SLC28A1: variants seen among roughly 807,000 people sequenced by gnomAD.
SLC28A1 encodes the protein sodium/nucleoside cotransporter 1.
SLC28A1 carries 64 observed loss-of-function variants against 74.8 expected under a neutral mutation model. The ratio of observed to expected loss-of-function variants is 0.86; its 90% CI spans 0.70 to 1.05. SLC28A1 has a LOEUF of 1.05. SLC28A1 is among the 50% of genes least tolerant of loss of function. The pLI is 0.00. For synonymous variants in SLC28A1, 359 were observed against 335.0 expected, an observed-to-expected ratio of 1.07 and a Z score of -0.78; for missense variants, 828 against 822.8, an observed-to-expected ratio of 1.01 and a Z score of -0.08.
At chr15:84,944,497 C>A in intron 16 of SLC28A1, 69 bp from the exon 17 acceptor site, 1 of 1,060,848 alleles carries the variant, frequency 9.4e-7, no homozygotes, top group Non-Finnish European at 1.5e-6. Context: ...CAGATGCAGC[C>A]CGAGCTGCGG....
intron 6 of SLC28A1, chr15:84,895,608 C>A (rs73438002): frequency 4.0e-6 from 6 of 1,487,168 alleles, no homozygotes; most frequent in Non-Finnish European, 5.4e-6. Flanking sequence ...TTCCTTGGAG[C>A]GCTGGAAATC....
the SLC28A1 span, among the ~76,000 whole-genome samples, chr15:84,960,408 C>G: frequency 3.3e-5 from 5 of 151,992 alleles, no homozygotes; most frequent in African/African-American, 9.7e-5. Context: ...TGGGCATGTG[C>G]CACCATGCCC....
At chr15:84,887,239 A>G (rs1964699761) in intron 2 of SLC28A1, 1 of 365,562 alleles carries the variant, frequency 2.7e-6, no homozygotes, top group Non-Finnish European at 3.8e-6. Context: ...GGAGTGATGA[A>G]AGCTAGGTCC....
Position 84,890,518 on chromosome 15 carries a change from AG to A in SLC28A1, c.263del (p.Gly88AlafsTer41). On this transcript the variant is annotated frameshift_variant, in exon 5 of 19. Coordinates refer to ENST00000394573, the MANE Select transcript of SLC28A1 (RefSeq NM_004213.5). LOFTEE classifies it high-confidence loss of function. Reference sequence around the variant, plus strand: ...TGCAGCTGTTTCGATGGATCGGCACAGGCCTGCTCTGCACTGGTGAGCCTGG... The same window carrying A: ...TGCAGCTGTTTCGATGGATCGGCACAGCCTGCTCTGCACTGGTGAGCCTGG... ...HMQLFRWIGT[G>X]LLCTGLSAFL... The A allele has an allele frequency of 6.2e-7, 1 of 1,610,950 alleles. No homozygotes were observed. Among genetic ancestry groups the A allele is most frequent in the Non-Finnish European group, 8.5e-7 (1 of 1,179,396 alleles).
At chr15:84,891,367 C>T (rs567192398) in intron 5 of SLC28A1, among the ~76,000 whole-genome samples, 13 of 152,104 alleles carry the variant, frequency 8.5e-5, no homozygotes, top group South Asian at 8.3e-4. Context: ...GGGGCCTGCT[C>T]GGGTGATAGG....
At chr15:84,902,977 A>C (rs974994904) in intron 6 of SLC28A1, among the ~76,000 whole-genome samples, 4 of 152,090 alleles carry the variant, frequency 2.6e-5, no homozygotes, top group African/African-American at 9.7e-5. Context: ...TGATCCACCC[A>C]CCTTGGCCTC....
chr15:84,921,057 C>G lies in SLC28A1; in HGVS notation c.945C>G (p.Ile315Met). 2 of 1,613,808 alleles carry G rather than the reference C, an allele frequency of 1.2e-6. No homozygotes were observed. The highest frequency in any genetic ancestry group is 1.3e-5 in the African/African-American group (1 of 75,042). The change falls in exon 11 of 19, where the codon ATC (isoleucine) becomes ATG (methionine). Residue 315 changes from isoleucine (I) to methionine (M), a missense_variant. Ile to Met is a conservative substitution (Grantham distance 10). This residue lies in a region of SLC28A1 where 767 missense variants were observed against 753.5 expected (regional missense o/e 1.02). Transcript: ENST00000394573. ...AGACCCTGAGTGTGGCTGGAAACAT[C>G]TTTGTGAGCCAGGTGGGTATGGAAG... The part of the protein sequence containing the change: ...ATETLSVAGN[I>M]FVSQTEAPLL...
intron 6 of SLC28A1, chr15:84,895,596 G>A: frequency 6.6e-7 from 1 of 1,507,588 alleles, no homozygotes; most frequent in Middle Eastern, 2.4e-4. Flanking sequence ...TTTCAAACTG[G>A]ATTCCTTGGA....
In SLC28A1 at chr15:84,944,584, G is replaced by A. The variant is rs149246522; in HGVS notation, c.1682G>A (p.Arg561Gln). 1.8e-5 allele frequency: 29 copies of A among 1,613,748 alleles called. No homozygotes were observed. The highest frequency in any genetic ancestry group is 9.3e-5 in the African/African-American group (7 of 75,054). The change falls in exon 17 of 19, where the codon CGG (arginine) becomes CAG (glutamine). Residue 561 changes from arginine to glutamine, a missense_variant. Physicochemically the swap from Arg to Gln is conservative, Grantham distance 43. Coordinates refer to ENST00000394573, the MANE Select transcript of SLC28A1 (RefSeq NM_004213.5). Reference sequence around the variant, plus strand: ...CTTGCAGCCTCCATGGTCCCCCAACGGAAGAGCGACTTCTCCCAGATAGTG... The same window carrying A: ...CTTGCAGCCTCCATGGTCCCCCAACAGAAGAGCGACTTCTCCCAGATAGTG... ...LGGLTSMVPQ[R>Q]KSDFSQIVLR...
rs17222337 is a variant in SLC28A1 at position 84,905,640 on chromosome 15, C to T, written c.705C>T (p.Gly235=). ...GATTCATTGCGTTCGAGTGGCTGGG[C>T]GAGCAGATCCGGGTAGGTATGTGGG... ...EPGFIAFEWL[G]EQIRIFLSYT... The change falls in exon 8 of 19, where the codon GGC becomes GGT. Residue 235 remains glycine, a synonymous_variant. Transcript: ENST00000394573. 2.4e-4 allele frequency: 392 copies of T among 1,612,128 alleles called. 2 individuals carry two copies. The African/African-American group carries it at 4.6e-3, about 19-fold the overall frequency.
At chr15:84,942,418 T>A (rs1018369502) in intron 15 of SLC28A1, among the ~76,000 whole-genome samples, 5 of 152,270 alleles carry the variant, frequency 3.3e-5, no homozygotes, top group African/African-American at 9.6e-5. Context: ...AAACCAATTT[T>A]GTTTTCAAAT....
At position 84,944,567 on chromosome 15, in the gene SLC28A1, C is replaced by T. The variant is rs936691715; in HGVS notation, c.1665C>T (p.Thr555=). The T allele has an allele frequency of 3.1e-6, 5 of 1,611,976 alleles. No homozygotes were observed. Among genetic ancestry groups the T allele is most frequent in the African/African-American group, 1.3e-5 (1 of 74,914 alleles). ...SSIGIMLGGL[T]SMVPQRKSDF... ...CTGAGCACTTCTGTCCCCTTGCAGC[C>T]TCCATGGTCCCCCAACGGAAGAGCG... The change falls in exon 17 of 19, where the codon ACC becomes ACT. Residue 555 remains threonine (T), a splice_region_variant and synonymous_variant. Transcript: ENST00000394573.
At chr15:84,923,650 C>G (rs77978774) in intron 11 of SLC28A1, among the ~76,000 whole-genome samples, 5,135 of 152,200 alleles carry the variant, frequency 0.034, 281 homozygotes, top group African/African-American at 0.12. Flanking sequence ...TGGAACCCCA[C>G]CGAACCTCTG....
the SLC28A1 span, among the ~76,000 whole-genome samples, chr15:84,965,913 A>T: frequency 1.3e-3 from 197 of 148,266 alleles, 2 homozygotes; most frequent in African/African-American, 4.8e-3. Flanking sequence ...AGGGGGGGGA[A>T]ATATTAGGCT....
chr15:84,952,063 G>A, the SLC28A1 span, among the ~76,000 whole-genome samples: 1 of 152,094 alleles, frequency 6.6e-6, no homozygotes, highest in African/African-American at 2.4e-5. Context: ...GGTAAGTGTG[G>A]CCCAGTCTAC....
intron 8 of SLC28A1, 104 bp from the exon 9 acceptor site, chr15:84,908,614 G>A (rs935646144): frequency 1.1e-6 from 1 of 918,418 alleles, no homozygotes; most frequent in Non-Finnish European, 1.8e-6. Flanking sequence ...GGCCTGGGGG[G>A]ACTACGTCCC....
At chr15:84,956,476 T>TTTTTTTCTTTCTTTCTTTCTTTCC in the SLC28A1 span, among the ~76,000 whole-genome samples, 1 of 119,850 alleles carries the variant, frequency 8.3e-6, no homozygotes, top group Non-Finnish European at 1.7e-5. Flanking sequence ...TCCTTCTTTC[T>TTTTTTTCTTTCTTTCTTTCTTTCC]TTCTTTCTTT....
At chr15:84,937,308 T>C (rs865965444) in intron 15 of SLC28A1, among the ~76,000 whole-genome samples, 5 of 152,264 alleles carry the variant, frequency 3.3e-5, no homozygotes, top group Middle Eastern at 3.4e-3. Flanking sequence ...TCCTCTCAGA[T>C]CATTTCTGCA....
intron 15 of SLC28A1, among the ~76,000 whole-genome samples, chr15:84,935,776 G>A (rs1028060227): frequency 2.0e-5 from 3 of 152,052 alleles, no homozygotes; most frequent in African/African-American, 4.8e-5. Flanking sequence ...TAGATGGGTC[G>A]TTTTTCACTG....
Sources: gnomAD v4.1 joint callset for allele counts (sites outside exome capture counted in the v4.1 genomes callset) on GRCh38, gnomAD v4.1.1 for gene constraint, gnomAD v4.1.1 regional missense constraint, MANE v1.5 for transcripts, NCBI Gene and HGNC (gene_info 2026-07-23, HGNC 2026-07-21) for gene names.